Variants in VPS41 observed in about 807,000 individuals in gnomAD.
The protein encoded by VPS41 is vacuolar protein sorting-associated protein 41 homolog.
VPS41 carries 85 observed loss-of-function variants against 130.9 expected under a neutral mutation model. The ratio of observed to expected loss-of-function variants is 0.65; its 90% confidence interval spans 0.55 to 0.78. The LOEUF is 0.78. Among genes scored for constraint, VPS41 ranks in the 30% least tolerant of loss-of-function variants. The pLI, the probability that VPS41 is intolerant of heterozygous loss-of-function variation, is 0.00. For synonymous variants in VPS41, 335 were observed against 332.9 expected, an observed-to-expected ratio of 1.01 and a Z score of -0.07; for missense variants, 874 against 1,018.7, an observed-to-expected ratio of 0.86 and a Z score of 1.93.
At chr7:38,823,109 G>A (rs1785208653) in intron 5 of VPS41, among the ~76,000 whole-genome samples, 1 of 152,166 alleles carries the variant, frequency 6.6e-6, no homozygotes, top group Admixed American at 6.5e-5. Flanking sequence ...TAACCTCCAA[G>A]GTGATGGTAT....
At chr7:38,792,937 G>C (rs369733919) in intron 9 of VPS41, among the ~76,000 whole-genome samples, 1 of 151,680 alleles carries the variant, frequency 6.6e-6, no homozygotes, top group East Asian at 1.9e-4. Context: ...AAGAATTTTT[G>C]CACTCCTGCT....
chr7:38,858,140 C>G (rs972742248), intron 4 of VPS41, among the ~76,000 whole-genome samples: 1 of 152,132 alleles, frequency 6.6e-6, no homozygotes, highest in Non-Finnish European at 1.5e-5. Flanking sequence ...TCTTCAGGAT[C>G]AGAAAAAGAC....
chr7:38,770,081 C>T (rs984451679), intron 14 of VPS41, among the ~76,000 whole-genome samples: 1 of 152,096 alleles, frequency 6.6e-6, no homozygotes, highest in African/African-American at 2.4e-5. Context: ...ACCAGCCTGA[C>T]CAACATGGAG....
intron 12 of VPS41, among the ~76,000 whole-genome samples, chr7:38,773,528 A>G (rs1489932864): frequency 6.6e-6 from 1 of 152,172 alleles, no homozygotes; most frequent in Non-Finnish European, 1.5e-5. Context: ...GAACTGTTCT[A>G]TTTTCATTAA....
chr7:38,809,341 AT>A (rs1158373104), intron 7 of VPS41, among the ~76,000 whole-genome samples: 2 of 147,736 alleles, frequency 1.4e-5, no homozygotes, highest in African/African-American at 2.5e-5. Context: ...AAATATATAT[AT>A]ATGTATATTT....
intron 5 of VPS41, among the ~76,000 whole-genome samples, chr7:38,829,471 T>C (rs1245400031): frequency 2.0e-5 from 3 of 152,242 alleles, no homozygotes; most frequent in Non-Finnish European, 2.9e-5. Flanking sequence ...TGATTCTTAA[T>C]GCACTCTCTC....
chr7:38,771,299 A>G, intron 13 of VPS41, 45 bp from the exon 14 acceptor site: 1 of 1,392,740 alleles, frequency 7.2e-7, no homozygotes. Context: ...AAAAAAGCAG[A>G]AAAGGAGGGA....
intron 25 of VPS41, among the ~76,000 whole-genome samples, 199 bp from the exon 26 acceptor site, chr7:38,728,990 C>T (rs1299995853): frequency 6.6e-6 from 1 of 152,156 alleles, no homozygotes; most frequent in African/African-American, 2.4e-5. Context: ...CCACTCATTA[C>T]TCTGTGCGTC....
chr7:38,823,159 G>C (rs1448886086), intron 5 of VPS41, among the ~76,000 whole-genome samples: 1 of 152,148 alleles, frequency 6.6e-6, no homozygotes, highest in Non-Finnish European at 1.5e-5. Flanking sequence ...AATTATGAAG[G>C]TGGAGCCCTC....
chr7:38,907,553 C>A (rs1787295267), intron 1 of VPS41, among the ~76,000 whole-genome samples: 1 of 152,116 alleles, frequency 6.6e-6, no homozygotes, highest in African/African-American at 2.4e-5. Flanking sequence ...TTTGGGAAGA[C>A]CAAATGCAAT....
intron 25 of VPS41, among the ~76,000 whole-genome samples, chr7:38,729,570 T>C (rs951106389): frequency 6.6e-6 from 1 of 152,226 alleles, no homozygotes; most frequent in African/African-American, 2.4e-5. Context: ...TCTTTACACA[T>C]TTTTCTTATT....
chr7:38,726,839 C>T, intron 28 of VPS41, 70 bp downstream of exon 28: 1 of 1,341,886 alleles, frequency 7.5e-7, no homozygotes, highest in Non-Finnish European at 9.9e-7. Flanking sequence ...TGAAGGGTTA[C>T]AGTTTAAAGC....
chr7:38,900,260 T>TAAAACAAAAC (rs1223494979), intron 1 of VPS41, among the ~76,000 whole-genome samples: 2 of 151,942 alleles, frequency 1.3e-5, no homozygotes, highest in Non-Finnish European at 2.9e-5. Context: ...CTGTCTCGAT[T>TAAAACAAAAC]AAAACAAAAC....
chr7:38,875,385 T>C (rs191864243), intron 2 of VPS41, among the ~76,000 whole-genome samples: 127 of 152,196 alleles, frequency 8.3e-4, no homozygotes, highest in South Asian at 1.7e-3. Flanking sequence ...AACCTGAAGG[T>C]AAAGTTCAAA....
At chr7:38,809,254 G>A (rs1228793945) in intron 7 of VPS41, among the ~76,000 whole-genome samples, 4 of 151,182 alleles carry the variant, frequency 2.6e-5, no homozygotes, top group Middle Eastern at 7.0e-3. Flanking sequence ...GGAGGCCGAG[G>A]CAGGCGGATC....
rs369635200 is a variant in VPS41, at chr7:38,825,636, T to TA, written c.322-4372dup. Among the ~76,000 whole-genome samples the TA allele has an allele frequency of 8.1e-3, 1,218 of 150,668 alleles. 17 individuals are homozygous for TA. The highest frequency in any genetic ancestry group is 0.028 in the African/African-American group (1,154 of 41,026). ...GCCCTAACAACTACCCTGAACCTGC[T>TA]AAAAAAAAATACCTAATGAAGAAAA... is the stretch of plus-strand genomic sequence containing the variant. On this transcript the variant is annotated intron_variant, in intron 5 of 28. Coordinates refer to ENST00000310301, the MANE Select transcript of VPS41 (RefSeq NM_014396.4).
intron 4 of VPS41, among the ~76,000 whole-genome samples, chr7:38,831,911 C>T (rs374454800): frequency 6.6e-6 from 1 of 152,182 alleles, no homozygotes; most frequent in Non-Finnish European, 1.5e-5. Context: ...TGTGCCATCA[C>T]ATTAGCAACA....
intron 25 of VPS41, among the ~76,000 whole-genome samples, chr7:38,739,163 AG>A (rs1795831035): frequency 6.6e-6 from 1 of 152,208 alleles, no homozygotes; most frequent in African/African-American, 2.4e-5. Flanking sequence ...AAGCCCTGTG[AG>A]AACATTTCCC....
At chr7:38,728,817 G>A (rs1451472093) in intron 25 of VPS41, 26 bp from the exon 26 acceptor site, 5 of 1,604,670 alleles carry the variant, frequency 3.1e-6, no homozygotes, top group African/African-American at 1.3e-5. Flanking sequence ...TAAAAGAAAA[G>A]CCATCTTAAG....
Sources: gnomAD v4.1 joint callset for allele counts (sites outside exome capture counted in the v4.1 genomes callset) on GRCh38, gnomAD v4.1.1 for gene constraint, MANE v1.5 for transcripts, NCBI Gene and HGNC (gene_info 2026-07-23, HGNC 2026-07-21) for gene names.